Variants in SLC25A26 observed in about 807,000 individuals in gnomAD.
SLC25A26 encodes the protein mitochondrial S-adenosylmethionine carrier protein.
SLC25A26 carries 36 observed loss-of-function variants against 37.8 expected under a neutral mutation model. The observed-to-expected ratio is 0.95, with a 90% CI of 0.73 to 1.26. The LOEUF (loss-of-function observed/expected upper bound fraction) is 1.26. Among genes scored for constraint, SLC25A26 ranks in the 50% most tolerant of loss-of-function variants. The probability of loss-of-function intolerance (pLI) is 0.00; values close to 1 mark genes in which losing one functional copy is unlikely to be tolerated. For synonymous variants in SLC25A26, 129 were observed against 122.5 expected (o/e 1.05, Z -0.35); for missense variants, 390 against 331.1 (o/e 1.18, Z -1.38).
At chr3:66,163,000 G>A (rs1053067485) in intron 1 of SLC25A26, among the ~76,000 whole-genome samples, 6 of 152,144 alleles carry the variant, frequency 3.9e-5, no homozygotes, top group African/African-American at 1.4e-4. Flanking sequence ...TTTCACCCTG[G>A]CTCTTTCTAG....
intron 9 of SLC25A26, among the ~76,000 whole-genome samples, chr3:66,372,640 T>TA (rs1021508413): frequency 4.6e-5 from 7 of 152,162 alleles, no homozygotes; most frequent in African/African-American, 1.7e-4. Flanking sequence ...GTGTAGTCCC[T>TA]AAGAGCATTA....
At chr3:66,248,156 C>T (rs2072932481) in intron 3 of SLC25A26, among the ~76,000 whole-genome samples, 2 of 152,116 alleles carry the variant, frequency 1.3e-5, no homozygotes, top group African/African-American at 2.4e-5. Context: ...AAGAACAGTG[C>T]CAAAATAATA....
In SLC25A26 at chr3:66,362,963, AAG is replaced by A. The variant is rs113842157; in HGVS notation, c.568+37_568+38del. 9.6e-3 allele frequency: 13,267 copies of A among 1,388,006 alleles called. 1,025 individuals are homozygous for A. The African/African-American group carries it at 0.17, about 18-fold the overall frequency. The allele number at this position is 1,388,006 out of a possible 1,614,324, so 86.0% of individuals were successfully genotyped here. On this transcript the variant is annotated intron_variant, in intron 7 of 9. Transcript: ENST00000354883. ...GATTATATTATACTGGGAAAGACCA[AAG>A]AGGGGGAAAAATGTGAAAATATTAA...
chr3:66,148,873 T>A (rs2070158159), intron 1 of SLC25A26, among the ~76,000 whole-genome samples: 1 of 152,194 alleles, frequency 6.6e-6, no homozygotes, highest in Non-Finnish European at 1.5e-5. Flanking sequence ...AAACTTTACG[T>A]GTCTACCAGA....
At chr3:66,264,777 T>G (rs766119376) in intron 5 of SLC25A26, among the ~76,000 whole-genome samples, 115 of 152,158 alleles carry the variant, frequency 7.6e-4, no homozygotes, top group Non-Finnish European at 1.4e-3. Context: ...GAAGTCTGTA[T>G]CAGGCAGTGA....
chr3:66,286,658 A>T (rs796527093), intron 5 of SLC25A26, among the ~76,000 whole-genome samples: 28 of 151,912 alleles, frequency 1.8e-4, no homozygotes, highest in African/African-American at 6.0e-4. Flanking sequence ...ATTTTCTGAG[A>T]CCTTTCCCTT....
chr3:66,171,786 G>A (rs375327780), intron 1 of SLC25A26, among the ~76,000 whole-genome samples: 1 of 152,150 alleles, frequency 6.6e-6, no homozygotes, highest in Non-Finnish European at 1.5e-5. Context: ...CACTGCACCC[G>A]GCCCTGAGAT....
chr3:66,246,557 C>T (rs2072850910), intron 3 of SLC25A26, among the ~76,000 whole-genome samples: 1 of 152,080 alleles, frequency 6.6e-6, no homozygotes, highest in African/African-American at 2.4e-5. Flanking sequence ...AATATTATGT[C>T]ATAACATTTG....
rs775283463 is a variant in SLC25A26 at position 66,377,736 on chromosome 3, G to C, written c.754G>C (p.Gly252Arg). The change falls in exon 10 of 10, where the codon GGT becomes CGT. Residue 252 changes from glycine (G) to arginine (R), a missense_variant. By Grantham distance (125) the Gly-to-Arg change is moderately radical. Coordinates refer to ENST00000354883, the MANE Select transcript of SLC25A26 (RefSeq NM_001379210.1). ...TCGAATGGCAGCCATCAGTCTGGGA[G>C]GTTTCATCTTTCTGGGGGCTTATGA... ...FPRMAAISLG[G>R]FIFLGAYDRT... The C allele has an allele frequency of 6.2e-7, 1 of 1,613,802 alleles. No individual in the cohort carries two copies. The highest frequency in any genetic ancestry group is 1.3e-5 in the African/African-American group (1 of 74,894).
At chr3:66,355,538 A>G (rs1018604807) in intron 6 of SLC25A26, among the ~76,000 whole-genome samples, 1 of 152,208 alleles carries the variant, frequency 6.6e-6, no homozygotes, top group African/African-American at 2.4e-5. Flanking sequence ...CTCGTATTGC[A>G]AGAGCTATGG....
At chr3:66,355,948 T>C (rs1364663336) in intron 6 of SLC25A26, 1 of 445,762 alleles carries the variant, frequency 2.2e-6, no homozygotes, top group Non-Finnish European at 4.5e-6. Context: ...GTTACTAATT[T>C]GGAATTGAGT....
intron 3 of SLC25A26, among the ~76,000 whole-genome samples, chr3:66,252,488 C>A (rs1258994692): frequency 6.6e-6 from 1 of 152,150 alleles, no homozygotes; most frequent in African/African-American, 2.4e-5. Context: ...GACTTGTCCA[C>A]TTATTTGTCT....
intron 1 of SLC25A26, among the ~76,000 whole-genome samples, chr3:66,225,259 G>A (rs1290604535): frequency 5.9e-5 from 9 of 152,254 alleles, no homozygotes; most frequent in African/African-American, 9.6e-5. Flanking sequence ...CGACGTTTCC[G>A]TACATCATCT....
intron 5 of SLC25A26, among the ~76,000 whole-genome samples, chr3:66,276,309 A>G (rs908413203): frequency 5.9e-5 from 9 of 152,156 alleles, no homozygotes; most frequent in Admixed American, 1.3e-4. Context: ...TCAAGTTTGT[A>G]TAATTCCAAA....
chr3:66,195,095 T>G (rs2071022814), intron 1 of SLC25A26, among the ~76,000 whole-genome samples: 1 of 152,122 alleles, frequency 6.6e-6, no homozygotes, highest in Non-Finnish European at 1.5e-5. Context: ...ATCCTGCAAT[T>G]TAGTTCTTTT....
chr3:66,367,046 C>T (rs1356871005), intron 7 of SLC25A26, among the ~76,000 whole-genome samples: 4 of 152,196 alleles, frequency 2.6e-5, no homozygotes, highest in African/African-American at 4.8e-5. Flanking sequence ...TTGAAATTTT[C>T]AGTTTATAAA....
intron 1 of SLC25A26, among the ~76,000 whole-genome samples, chr3:66,194,856 C>T (rs932031579): frequency 2.6e-5 from 4 of 152,240 alleles, no homozygotes; most frequent in African/African-American, 7.2e-5. Context: ...CCTCCTCGGC[C>T]TCCCAAAGTG....
At chr3:66,210,881 C>A (rs1484695037) in intron 1 of SLC25A26, among the ~76,000 whole-genome samples, 1 of 152,100 alleles carries the variant, frequency 6.6e-6, no homozygotes, top group African/African-American at 2.4e-5. Flanking sequence ...ACGTGACTGG[C>A]GAGCTATGAA....
At chr3:66,347,986 G>A (rs1255438711) in intron 6 of SLC25A26, among the ~76,000 whole-genome samples, 2 of 152,158 alleles carry the variant, frequency 1.3e-5, no homozygotes, top group Non-Finnish European at 2.9e-5. Flanking sequence ...GGGGTGCAGG[G>A]GGAAGGAGAG....
Sources: gnomAD v4.1 joint callset for allele counts (sites outside exome capture counted in the v4.1 genomes callset) on GRCh38, gnomAD v4.1.1 for gene constraint, MANE v1.5 for transcripts, NCBI Gene and HGNC (gene_info 2026-07-23, HGNC 2026-07-21) for gene names.